The following PAK1 variants were observed in gnomAD, a reference collection of about 807,000 sequenced individuals.
PAK1 encodes the protein serine/threonine-protein kinase PAK 1.
PAK1 carries 29 observed loss-of-function variants against 67.4 expected under a neutral mutation model. That is an observed-to-expected ratio of 0.43 (90% CI 0.32 to 0.59). The LOEUF is 0.59. PAK1 is among the 20% of genes least tolerant of loss of function. The probability of loss-of-function intolerance (pLI) is 0.07; values close to 1 mark genes in which losing one functional copy is unlikely to be tolerated. For synonymous variants in PAK1, 223 were observed against 237.4 expected (o/e 0.94, Z 0.56); for missense variants, 337 against 670.7 (o/e 0.50, Z 5.50).
the PAK1 span, among the ~76,000 whole-genome samples, chr11:77,521,364 T>C: frequency 6.6e-6 from 1 of 152,100 alleles, no homozygotes; most frequent in Non-Finnish European, 1.5e-5. Context: ...ACCCCATCTC[T>C]GCTAAAACTA....
intron 1 of PAK1, among the ~76,000 whole-genome samples, chr11:77,445,920 C>T (rs994094218): frequency 1.3e-5 from 2 of 152,182 alleles, no homozygotes; most frequent in Non-Finnish European, 2.9e-5. Flanking sequence ...ACCCCACCCC[C>T]ACTATACAAT....
chr11:77,349,429 C>A, intron 8 of PAK1, 142 bp from the exon 9 acceptor site: 1 of 699,592 alleles, frequency 1.4e-6, no homozygotes, highest in South Asian at 1.6e-5. Flanking sequence ...AGCATCCATT[C>A]TCACATTTAA....
chr11:77,444,228 TC>T (rs1339514515), intron 1 of PAK1, among the ~76,000 whole-genome samples: 1 of 151,032 alleles, frequency 6.6e-6, no homozygotes, highest in Non-Finnish European at 1.5e-5. Context: ...GAATCCAGTT[TC>T]CTTCTTATTC....
intron 1 of PAK1, among the ~76,000 whole-genome samples, chr11:77,399,846 G>A (rs1486064411): frequency 2.5e-5 from 2 of 80,816 alleles, no homozygotes; most frequent in Non-Finnish European, 2.1e-5. Context: ...GCGACAGAGC[G>A]AGACTCCGTC....
chr11:77,375,098 CATTGTAT>C (rs1337175405), intron 4 of PAK1, among the ~76,000 whole-genome samples: 1 of 152,172 alleles, frequency 6.6e-6, no homozygotes, highest in African/African-American at 2.4e-5. Context: ...ATCAGACCAC[CATTGTAT>C]ATGCGGTCTG....
intron 1 of PAK1, among the ~76,000 whole-genome samples, chr11:77,414,314 G>T (rs1424589409): frequency 6.6e-6 from 1 of 152,228 alleles, no homozygotes; most frequent in Non-Finnish European, 1.5e-5. Context: ...CTTCAAGGAG[G>T]TGATGATTTT....
In PAK1 at chr11:77,333,799, A is replaced by G. The variant is rs557224843; in HGVS notation, c.1414-932T>C. Among the ~76,000 whole-genome samples the G allele has an allele frequency of 9.2e-5, 14 of 152,316 alleles. No individual in the cohort carries two copies. In the South Asian group the frequency reaches 2.7e-3, roughly 29 times the overall value. On this transcript the variant is annotated intron_variant, in intron 13 of 14. Coordinates refer to ENST00000356341, the MANE Select transcript of PAK1 (RefSeq NM_002576.5). Reference sequence around the variant, plus strand: ...AGCACTGTCTAATTTAATGGCCACAATTAACTCTGGGTAATAGGGCAAGAC... The same window carrying G: ...AGCACTGTCTAATTTAATGGCCACAGTTAACTCTGGGTAATAGGGCAAGAC...
At chr11:77,389,799 G>A (rs528496653) in intron 2 of PAK1, among the ~76,000 whole-genome samples, 1 of 152,224 alleles carries the variant, frequency 6.6e-6, no homozygotes, top group African/African-American at 2.4e-5. Context: ...TCTCCTTTCT[G>A]TGTGTTACCT....
chr11:77,373,487 G>A (rs997368223), intron 5 of PAK1, among the ~76,000 whole-genome samples: 3 of 150,634 alleles, frequency 2.0e-5, no homozygotes, highest in African/African-American at 4.9e-5. Context: ...TTGAGCCCAG[G>A]AGTTTGAGTT....
intron 1 of PAK1, among the ~76,000 whole-genome samples, chr11:77,469,283 C>A (rs1029684023): frequency 2.6e-5 from 4 of 152,104 alleles, no homozygotes; most frequent in Non-Finnish European, 1.5e-5. Flanking sequence ...GGTTTCCTCA[C>A]CTATGATACA....
chr11:77,422,133 A>C (rs1565691489), intron 1 of PAK1, among the ~76,000 whole-genome samples: 1 of 152,214 alleles, frequency 6.6e-6, no homozygotes, highest in Non-Finnish European at 1.5e-5. Flanking sequence ...TAGACTGGAA[A>C]GGTAGTATAT....
At chr11:77,511,229 G>C in the PAK1 span, among the ~76,000 whole-genome samples, 2 of 152,150 alleles carry the variant, frequency 1.3e-5, no homozygotes, top group East Asian at 3.9e-4. Context: ...TATTATTAAG[G>C]CTTCAGCTTT....
intron 1 of PAK1, among the ~76,000 whole-genome samples, chr11:77,396,157 G>A (rs1951804912): frequency 6.6e-6 from 1 of 152,138 alleles, no homozygotes; most frequent in African/African-American, 2.4e-5. Context: ...TACTATGTTT[G>A]GAGAATTCTG....
chr11:77,349,329 T>C (rs1269932156), intron 8 of PAK1, 42 bp from the exon 9 acceptor site: 1 of 1,493,802 alleles, frequency 6.7e-7, no homozygotes, highest in South Asian at 1.2e-5. Context: ...AAAAACACAG[T>C]GTTCAATAAA....
intron 14 of PAK1, among the ~76,000 whole-genome samples, chr11:77,324,814 AAG>A (rs893271181): frequency 4.0e-5 from 6 of 151,490 alleles, no homozygotes; most frequent in Non-Finnish European, 7.4e-5. Flanking sequence ...GAGAAAGAGA[AAG>A]AGAGAGAAAC....
intron 1 of PAK1, among the ~76,000 whole-genome samples, chr11:77,456,630 G>A (rs570932001): frequency 2.0e-5 from 3 of 152,244 alleles, no homozygotes; most frequent in East Asian, 1.9e-4. Flanking sequence ...AATGATAGCC[G>A]ACATTTGTTA....
intron 2 of PAK1, among the ~76,000 whole-genome samples, chr11:77,386,755 G>A (rs1950496625): frequency 6.6e-6 from 1 of 152,044 alleles, no homozygotes; most frequent in African/African-American, 2.4e-5. Context: ...TGGGTGGAAT[G>A]CAGGTATCAG....
upstream of PAK1, among the ~76,000 whole-genome samples, chr11:77,479,464 AG>A (rs1958094496): frequency 6.6e-6 from 1 of 152,174 alleles, no homozygotes; most frequent in Non-Finnish European, 1.5e-5. Flanking sequence ...AAGGGGGAGA[AG>A]AAGAGGAAAG....
In PAK1 at chr11:77,454,504, C is replaced by T. The variant is rs186871420; in HGVS notation, c.-22+19048G>A. Among the ~76,000 whole-genome samples the T allele has an allele frequency of 1.2e-3, 182 of 152,222 alleles. 2 individuals carry two copies. The highest frequency in any genetic ancestry group is 6.8e-3 in the Middle Eastern group (2 of 294). On this transcript the variant is annotated intron_variant, in intron 1 of 14. Coordinates refer to ENST00000356341, the MANE Select transcript of PAK1 (RefSeq NM_002576.5). ...ACCCAGCATCCATTCCCTTCTTCTC[C>T]CTAACAGAGCCCAGACTTTTTTTTT...
Sources: gnomAD v4.1 joint callset for allele counts (sites outside exome capture counted in the v4.1 genomes callset) on GRCh38, gnomAD v4.1.1 for gene constraint, MANE v1.5 for transcripts, NCBI Gene and HGNC (gene_info 2026-07-23, HGNC 2026-07-21) for gene names.